RTTN: variants seen among roughly 807,000 people sequenced by gnomAD.
RTTN encodes rotatin.
A neutral mutation model predicts 269.2 loss-of-function variants in RTTN; 182 were observed. That is an observed-to-expected ratio of 0.68 (90% confidence interval 0.60 to 0.76). The LOEUF (loss-of-function observed/expected upper bound fraction) is 0.76. RTTN is among the 30% of genes least tolerant of loss of function. The pLI, the probability that RTTN is intolerant of heterozygous loss-of-function variation, is 0.00. For synonymous variants in RTTN, 1,006 were observed against 963.5 expected (o/e 1.04, Z -0.82); for missense variants, 2,545 against 2,608.6 (o/e 0.98, Z 0.53).
intron 8 of RTTN, among the ~76,000 whole-genome samples, chr18:70,192,240 C>T (rs1396903064): frequency 6.6e-6 from 1 of 152,170 alleles, no homozygotes; most frequent in East Asian, 1.9e-4. Context: ...ATTAAGCCAA[C>T]AGACCAATGC....
chr18:70,071,478 G>A (rs144364087), intron 34 of RTTN, among the ~76,000 whole-genome samples: 4 of 152,296 alleles, frequency 2.6e-5, no homozygotes, highest in Non-Finnish European at 5.9e-5. Context: ...GCACACAGGT[G>A]TGTAAGAGGC....
intron 45 of RTTN, among the ~76,000 whole-genome samples, chr18:70,020,104 C>T (rs1376305343): frequency 2.0e-5 from 3 of 152,064 alleles, no homozygotes; most frequent in African/African-American, 7.2e-5. Flanking sequence ...TTTAAATTAC[C>T]TTAAGTTAAA....
chr18:70,056,612 C>T (rs367646817), intron 37 of RTTN, among the ~76,000 whole-genome samples: 9 of 152,144 alleles, frequency 5.9e-5, no homozygotes, highest in African/African-American at 1.9e-4. Flanking sequence ...GCCCCTCTGG[C>T]CTCATCTTGC....
chr18:70,011,541 T>C (rs10871659), intron 46 of RTTN, among the ~76,000 whole-genome samples: 125,048 of 152,194 alleles, frequency 0.82, 55,869 homozygotes, highest in East Asian at 1. Flanking sequence ...TTCAACACCC[T>C]TTCATGCTAA....
rs113745967 is a variant in RTTN, at chr18:70,156,675, G to A, written c.1930-5942C>T. On this transcript the variant is annotated intron_variant, in intron 14 of 48. Coordinates refer to ENST00000640769, the MANE Select transcript of RTTN (RefSeq NM_173630.4). Reference sequence around the variant, plus strand: ...CCCACCGACATGTGATGTCTCCCCCGGACGCCCAGCTTTAAAATTTCCCTC... The same window carrying A: ...CCCACCGACATGTGATGTCTCCCCCAGACGCCCAGCTTTAAAATTTCCCTC... 5.1e-3 allele frequency among the ~76,000 whole-genome samples: 775 copies of A among 152,166 alleles called. 6 individuals carry two copies. Among genetic ancestry groups the A allele is most frequent in the African/African-American group, 0.018 (734 of 41,504 alleles).
intron 25 of RTTN, among the ~76,000 whole-genome samples, chr18:70,125,054 C>T (rs762828196): frequency 6.6e-6 from 1 of 151,960 alleles, no homozygotes; most frequent in Non-Finnish European, 1.5e-5. Flanking sequence ...TAATTGTATG[C>T]TTGTGTGTTA....
intron 44 of RTTN, 21 bp downstream of exon 44, chr18:70,024,701 G>A (rs777972636): frequency 2.5e-5 from 40 of 1,594,732 alleles, no homozygotes; most frequent in Non-Finnish European, 3.3e-5. Flanking sequence ...ATTATTGAAA[G>A]GCAGTATTGG....
At position 70,056,228 on chromosome 18, in the gene RTTN, T is replaced by C. The variant is rs555174182; in HGVS notation, c.5031+1514A>G. On this transcript the variant is annotated intron_variant, in intron 37 of 48. Coordinates refer to ENST00000640769, the MANE Select transcript of RTTN (RefSeq NM_173630.4). ...TCAAGAATTTTCTGAAATGAGTGAA[T>C]GATCTTATATAAATACCAAGAGCCC... is the stretch of plus-strand genomic sequence containing the variant. Among the ~76,000 whole-genome samples, 8 of 152,282 alleles carry C rather than the reference T, an allele frequency of 5.3e-5. No individual in the cohort carries two copies. In the East Asian group the frequency reaches 7.7e-4, roughly 15 times the overall value.
intron 10 of RTTN, among the ~76,000 whole-genome samples, chr18:70,183,587 C>T (rs1057376868): frequency 1.6e-4 from 25 of 152,126 alleles, no homozygotes; most frequent in Admixed American, 6.5e-5. Context: ...GTTTCTCAAC[C>T]TTAACACTTC....
intron 25 of RTTN, among the ~76,000 whole-genome samples, chr18:70,123,483 T>C (rs1279018288): frequency 6.6e-6 from 1 of 152,132 alleles, no homozygotes; most frequent in Admixed American, 6.6e-5. Flanking sequence ...GTCTCCCTTT[T>C]CCCTACCCAT....
intron 7 of RTTN, 60 bp from the exon 8 acceptor site, chr18:70,193,513 G>C: frequency 8.6e-7 from 1 of 1,166,228 alleles, no homozygotes; most frequent in Non-Finnish European, 1.2e-6. Context: ...CTGACTATGT[G>C]GTATTTATGT....
intron 44 of RTTN, among the ~76,000 whole-genome samples, chr18:70,024,325 T>C (rs1191312494): frequency 6.6e-6 from 1 of 152,228 alleles, no homozygotes; most frequent in Non-Finnish European, 1.5e-5. Context: ...TGATATCAAG[T>C]ATCACCAGAC....
intron 18 of RTTN, among the ~76,000 whole-genome samples, chr18:70,145,230 A>G (rs897042778): frequency 1.3e-5 from 2 of 152,210 alleles, no homozygotes; most frequent in African/African-American, 4.8e-5. Flanking sequence ...TTGCAGAAAA[A>G]CAAGTTCAGA....
chr18:70,061,085 C>CT (rs1488611652), intron 35 of RTTN, among the ~76,000 whole-genome samples: 6 of 151,560 alleles, frequency 4.0e-5, no homozygotes, highest in African/African-American at 9.7e-5. Context: ...CGTCGATATA[C>CT]TTTTTTTTTC....
intron 7 of RTTN, among the ~76,000 whole-genome samples, chr18:70,195,020 G>A (rs1555780559): frequency 4.0e-5 from 6 of 151,682 alleles, no homozygotes; most frequent in Non-Finnish European, 8.8e-5. Flanking sequence ...GAGAGAGGGG[G>A]AAAAAAAACT....
chr18:70,020,528 T>A, intron 45 of RTTN, 87 bp downstream of exon 45: 1 of 1,225,476 alleles, frequency 8.2e-7, no homozygotes, highest in Non-Finnish European at 1.2e-6. Flanking sequence ...ATCATAATAA[T>A]CTTAGAAATT....
intron 40 of RTTN, among the ~76,000 whole-genome samples, chr18:70,031,775 G>A (rs1398477333): frequency 6.6e-6 from 1 of 151,522 alleles, no homozygotes; most frequent in Non-Finnish European, 1.5e-5. Context: ...CACACTCCTA[G>A]CAGATCTTCA....
chr18:70,128,616 A>G, intron 23 of RTTN, 70 bp from the exon 24 acceptor site: 1 of 1,328,596 alleles, frequency 7.5e-7, no homozygotes, highest in Non-Finnish European at 1.1e-6. Context: ...GATGAGCCAC[A>G]AATGAGGGCT....
chr18:70,112,653 C>T (rs2059502377), intron 27 of RTTN, among the ~76,000 whole-genome samples: 1 of 151,950 alleles, frequency 6.6e-6, no homozygotes, highest in South Asian at 2.1e-4. Flanking sequence ...ACAGGAGCAC[C>T]CAGATTCATA....
Sources: allele counts gnomAD v4.1 joint callset (sites outside exome capture counted in the v4.1 genomes callset), GRCh38; gene constraint gnomAD v4.1.1; transcripts MANE v1.5; gene names NCBI Gene and HGNC (gene_info 2026-07-23, HGNC 2026-07-21).